SLC9A9: variants seen among roughly 807,000 people sequenced by gnomAD.
SLC9A9 encodes the protein sodium/hydrogen exchanger 9.
SLC9A9 carries 62 observed loss-of-function variants against 77.8 expected under a neutral mutation model. The observed-to-expected ratio is 0.80, with a 90% CI of 0.65 to 0.98. The LOEUF (loss-of-function observed/expected upper bound fraction) is 0.98, where lower values mean the gene tolerates loss of function less well. SLC9A9 is among the 50% of genes least tolerant of loss of function. The pLI is 0.00. For synonymous variants in SLC9A9, 320 were observed against 283.5 expected, an observed-to-expected ratio of 1.13 and a Z score of -1.29; for missense variants, 775 against 774.9, an observed-to-expected ratio of 1.00 and a Z score of 0.00.
intron 9 of SLC9A9, among the ~76,000 whole-genome samples, chr3:143,499,603 A>C (rs1265612237): frequency 6.6e-6 from 1 of 152,094 alleles, no homozygotes; most frequent in Non-Finnish European, 1.5e-5. Flanking sequence ...TCCAGTCATC[A>C]TACATTTTTC....
At chr3:143,606,426 C>CTATATA (rs1341835201) in intron 6 of SLC9A9, among the ~76,000 whole-genome samples, 16 of 73,972 alleles carry the variant, frequency 2.2e-4, no homozygotes, top group South Asian at 9.8e-4. Context: ...CTCTCTCTCT[C>CTATATA]TCTCTCTCTC....
chr3:143,766,244 A>G (rs1358141669), intron 4 of SLC9A9, among the ~76,000 whole-genome samples: 1 of 152,236 alleles, frequency 6.6e-6, no homozygotes, highest in Non-Finnish European at 1.5e-5. Context: ...AAGACAAACT[A>G]CAATTTAGAA....
chr3:143,378,007 G>T (rs2033219683), intron 13 of SLC9A9, among the ~76,000 whole-genome samples: 1 of 152,156 alleles, frequency 6.6e-6, no homozygotes, highest in Admixed American at 6.5e-5. Context: ...TTCTCACATG[G>T]ATTGTTTCCT....
chr3:143,831,910 T>C (rs1278918085), intron 2 of SLC9A9, 109 bp downstream of exon 2: 2 of 958,482 alleles, frequency 2.1e-6, no homozygotes, highest in East Asian at 2.6e-5. Flanking sequence ...GGTGTTAAAA[T>C]AGGCATATAT....
chr3:143,298,748 G>A lies in SLC9A9; in HGVS notation c.1605-29768C>T, dbSNP rs1249830483. ...TCCCAAAGACAAAGAAGATTATTGA[G>A]TTAGGCATCCCTGGGGCTTTGAGTA... On this transcript the variant is annotated intron_variant, in intron 14 of 15. Coordinates refer to ENST00000316549, the MANE Select transcript of SLC9A9 (RefSeq NM_173653.4). Among the ~76,000 whole-genome samples the A allele has an allele frequency of 2.6e-5, 4 of 152,328 alleles. No individual in the cohort carries two copies. The East Asian group carries it at 7.7e-4, about 29-fold the overall frequency.
At chr3:143,429,817 G>A (rs553567642) in intron 12 of SLC9A9, among the ~76,000 whole-genome samples, 3 of 152,134 alleles carry the variant, frequency 2.0e-5, no homozygotes, top group South Asian at 2.1e-4. Flanking sequence ...GCAGCTAAGC[G>A]CTAGTAATAC....
At chr3:143,453,219 C>T (rs2035037225) in intron 12 of SLC9A9, among the ~76,000 whole-genome samples, 2 of 151,896 alleles carry the variant, frequency 1.3e-5, no homozygotes, top group South Asian at 4.1e-4. Flanking sequence ...ACAGAAGACA[C>T]ACCATTAAAA....
intron 8 of SLC9A9, among the ~76,000 whole-genome samples, chr3:143,557,435 G>A (rs1256466888): frequency 2.0e-5 from 3 of 152,182 alleles, no homozygotes; most frequent in Admixed American, 6.5e-5. Flanking sequence ...TTGGAACTGG[G>A]TAACAGGCAG....
chr3:143,661,914 C>A (rs58652978), intron 5 of SLC9A9, among the ~76,000 whole-genome samples: 13,454 of 152,070 alleles, frequency 0.088, 602 homozygotes, highest in East Asian at 0.12. Context: ...ACTTATCGAG[C>A]ACCTGCTGTG....
intron 7 of SLC9A9, among the ~76,000 whole-genome samples, chr3:143,577,674 A>G (rs1042397683): frequency 6.6e-6 from 1 of 152,148 alleles, no homozygotes; most frequent in African/African-American, 2.4e-5. Flanking sequence ...CCCCCAGTAG[A>G]ATGAAGCATT....
chr3:143,339,859 G>C (rs776899317), intron 14 of SLC9A9, among the ~76,000 whole-genome samples: 2 of 152,110 alleles, frequency 1.3e-5, no homozygotes, highest in Non-Finnish European at 2.9e-5. Context: ...ACAACTCTGG[G>C]AGTGACAACT....
At chr3:143,462,245 C>T (rs1474322202) in intron 12 of SLC9A9, among the ~76,000 whole-genome samples, 3 of 152,056 alleles carry the variant, frequency 2.0e-5, no homozygotes, top group Non-Finnish European at 4.4e-5. Flanking sequence ...TGGTGGTGCA[C>T]ACCTGTAGTC....
chr3:143,450,167 ATATT>A (rs2034978629), intron 12 of SLC9A9, among the ~76,000 whole-genome samples: 2 of 132,330 alleles, frequency 1.5e-5, no homozygotes, highest in South Asian at 2.2e-4. Flanking sequence ...TATAATATAC[ATATT>A]TATTATATTA....
At chr3:143,372,987 A>T (rs1428047328) in intron 13 of SLC9A9, among the ~76,000 whole-genome samples, 1 of 152,230 alleles carries the variant, frequency 6.6e-6, no homozygotes, top group Non-Finnish European at 1.5e-5. Context: ...TGAAAAGGGA[A>T]TGCTTACACA....
chr3:143,538,543 C>T (rs1169558653), intron 9 of SLC9A9, among the ~76,000 whole-genome samples: 1 of 152,116 alleles, frequency 6.6e-6, no homozygotes, highest in Non-Finnish European at 1.5e-5. Flanking sequence ...CTAGGGAAGA[C>T]CTCGGCACTA....
At chr3:143,686,314 C>T (rs1445495653) in intron 5 of SLC9A9, among the ~76,000 whole-genome samples, 1 of 152,038 alleles carries the variant, frequency 6.6e-6, no homozygotes, top group Non-Finnish European at 1.5e-5. Context: ...ATCTCCCACA[C>T]AGAAGACAAA....
chr3:143,416,910 A>T (rs1278379029), intron 12 of SLC9A9, among the ~76,000 whole-genome samples: 1 of 152,218 alleles, frequency 6.6e-6, no homozygotes, highest in Non-Finnish European at 1.5e-5. Flanking sequence ...TCATTTCATC[A>T]TAGGAGCTAG....
At chr3:143,521,267 T>C (rs755901066) in intron 9 of SLC9A9, among the ~76,000 whole-genome samples, 5 of 151,998 alleles carry the variant, frequency 3.3e-5, no homozygotes, top group Admixed American at 6.6e-5. Context: ...ACTTATTGAG[T>C]CAAGATAGCA....
At chr3:143,791,078 A>G (rs1395672700) in intron 4 of SLC9A9, among the ~76,000 whole-genome samples, 1 of 152,224 alleles carries the variant, frequency 6.6e-6, no homozygotes, top group Non-Finnish European at 1.5e-5. Context: ...CCCAAGATGG[A>G]GGACATGAAT....
Sources: allele counts gnomAD v4.1 joint callset (sites outside exome capture counted in the v4.1 genomes callset), GRCh38; gene constraint gnomAD v4.1.1; transcripts MANE v1.5; gene names NCBI Gene and HGNC (gene_info 2026-07-23, HGNC 2026-07-21).